PATJ: variants seen among roughly 807,000 people sequenced by gnomAD.
PATJ encodes the protein inaD-like protein.
In PATJ, 190 loss-of-function variants were observed where a neutral mutation model predicts 224.9. The observed-to-expected ratio is 0.84, with a 90% CI of 0.75 to 0.95. The LOEUF (loss-of-function observed/expected upper bound fraction) is 0.95, where lower values mean the gene tolerates loss of function less well. Ranked by LOEUF, PATJ falls within the 40% of genes least tolerant of loss-of-function variation. The probability of loss-of-function intolerance (pLI) is 0.00; values close to 1 mark genes in which losing one functional copy is unlikely to be tolerated. For missense variants in PATJ, 2,121 were observed against 2,270.3 expected, an observed-to-expected ratio of 0.93 and a Z score of 1.34; for synonymous variants, 769 against 820.3, an observed-to-expected ratio of 0.94 and a Z score of 1.07.
intron 27 of PATJ, among the ~76,000 whole-genome samples, chr1:61,980,465 GT>G (rs1156521694): frequency 0.022 from 3,360 of 149,982 alleles, 107 homozygotes; most frequent in African/African-American, 0.056. Flanking sequence ...GTGTGTGTGT[GT>G]GTGTGTGTGT....
At chr1:61,881,863 T>TACACC (rs1486382455) in intron 21 of PATJ, among the ~76,000 whole-genome samples, 4 of 152,222 alleles carry the variant, frequency 2.6e-5, no homozygotes, top group Non-Finnish European at 5.9e-5. Context: ...AAAGATACAC[T>TACACC]TGTTCCGTAG....
chr1:61,970,166 T>A lies in PATJ; in HGVS notation c.3671-20002T>A, dbSNP rs187527323. On this transcript the variant is annotated intron_variant, in intron 27 of 43. Transcript: ENST00000642238. ...CCAAAGTTATGAAGCTTGTCATCTATTTTTTCTTCTACAAATTTTATAGTT... is the reference window on the plus strand; with the variant it reads ...CCAAAGTTATGAAGCTTGTCATCTAATTTTTCTTCTACAAATTTTATAGTT... Among the ~76,000 whole-genome samples, 35 of 152,216 alleles carry A rather than the reference T, an allele frequency of 2.3e-4. 2 individuals carry two copies. In the East Asian group the frequency reaches 2.7e-3, roughly 12 times the overall value.
chr1:61,999,816 C>CA (rs1381362377), intron 28 of PATJ, among the ~76,000 whole-genome samples: 1 of 152,144 alleles, frequency 6.6e-6, no homozygotes, highest in African/African-American at 2.4e-5. Flanking sequence ...CACACATATA[C>CA]ATATACAGTT....
intron 41 of PATJ, among the ~76,000 whole-genome samples, chr1:62,131,515 G>GCGCATGC (rs1029206355): frequency 6.6e-6 from 1 of 152,132 alleles, no homozygotes; most frequent in Admixed American, 6.6e-5. Context: ...AGGTGTGGTA[G>GCGCATGC]CGCATGCCTG....
chr1:61,806,342 G>A (rs1384476663), intron 13 of PATJ, among the ~76,000 whole-genome samples: 4 of 152,226 alleles, frequency 2.6e-5, no homozygotes, highest in East Asian at 1.9e-4. Context: ...AGTCAAGGCC[G>A]GGCGCGGTGG....
chr1:62,162,338 G>A lies in PATJ; in HGVS notation c.*1284G>A, dbSNP rs551978817. On this transcript the variant is annotated 3_prime_UTR_variant, in exon 44 of 44. Transcript: ENST00000642238. ...GGCCTTGGCCTTATGCAAAGTGGGT[G>A]ACATATTTGATTATATTTCCCTTTA... 5 of 152,238 alleles carry A rather than the reference G, an allele frequency of 3.3e-5. No individual in the cohort carries two copies. In the South Asian group the frequency reaches 8.3e-4, roughly 25 times the overall value. 9.4% of individuals were successfully genotyped at this position (152,238 alleles called of 1,614,324 possible). A position where few individuals can be genotyped will look rare whatever the true frequency, so the allele number is the denominator to read the frequency against.
intron 33 of PATJ, among the ~76,000 whole-genome samples, chr1:62,091,561 G>T (rs1045273168): frequency 6.6e-6 from 1 of 152,130 alleles, no homozygotes; most frequent in Admixed American, 6.5e-5. Flanking sequence ...ATATTACCTG[G>T]ACAGTGAAAT....
At chr1:61,768,494 A>AATAAATAAATAG (rs1180226104) in intron 4 of PATJ, among the ~76,000 whole-genome samples, 1 of 152,006 alleles carries the variant, frequency 6.6e-6, no homozygotes, top group East Asian at 1.9e-4. Context: ...TAAATAAATA[A>AATAAATAAATAG]ATAGATATCA....
chr1:62,137,023 A>G (rs1278106365), intron 41 of PATJ, among the ~76,000 whole-genome samples: 1 of 152,132 alleles, frequency 6.6e-6, no homozygotes, highest in African/African-American at 2.4e-5. Flanking sequence ...AATTATTTTG[A>G]CTTCTCAATT....
At chr1:61,743,001 C>G (rs940405442) in intron 1 of PATJ, among the ~76,000 whole-genome samples, 1 of 152,128 alleles carries the variant, frequency 6.6e-6, no homozygotes, top group Admixed American at 6.5e-5. Flanking sequence ...TGTTTCGCTC[C>G]CAGAGCTGGG....
intron 30 of PATJ, among the ~76,000 whole-genome samples, chr1:62,045,216 C>T (rs991368827): frequency 2.7e-5 from 4 of 150,930 alleles, no homozygotes; most frequent in East Asian, 1.9e-4. Flanking sequence ...CGTGAAACTC[C>T]GTCTCAAATA....
At chr1:62,003,749 A>C (rs528401738) in intron 28 of PATJ, among the ~76,000 whole-genome samples, 2 of 152,306 alleles carry the variant, frequency 1.3e-5, no homozygotes, top group East Asian at 3.9e-4. Context: ...TCCCATCCCT[A>C]GCCTGGTACT....
rs149767198 is a variant in PATJ at position 61,769,934 on chromosome 1, A to G, written c.524+512A>G. 8.6e-4 allele frequency among the ~76,000 whole-genome samples: 131 copies of G among 152,190 alleles called. 1 individual carries two copies. Among genetic ancestry groups the G allele is most frequent in the African/African-American group, 3.0e-3 (125 of 41,530 alleles). Reference sequence around the variant, plus strand: ...GTCAGTTAAGAGGCCCCTCAAGTCTATGTTATCTCCCATGTTTGCATTTGC... The same window carrying G: ...GTCAGTTAAGAGGCCCCTCAAGTCTGTGTTATCTCCCATGTTTGCATTTGC... On this transcript the variant is annotated intron_variant, in intron 5 of 43. Coordinates refer to ENST00000642238, the MANE Select transcript of PATJ (RefSeq NM_001350145.3).
intron 17 of PATJ, among the ~76,000 whole-genome samples, chr1:61,835,210 A>C (rs1352982434): frequency 6.6e-6 from 1 of 152,194 alleles, no homozygotes; most frequent in East Asian, 1.9e-4. Context: ...AGAAATCTGA[A>C]CACAGTTAAG....
At chr1:61,868,664 C>T (rs2148977730) in intron 20 of PATJ, among the ~76,000 whole-genome samples, 1 of 152,156 alleles carries the variant, frequency 6.6e-6, no homozygotes, top group East Asian at 1.9e-4. Context: ...TGGTGCATGC[C>T]TGTGGTTCCA....
At chr1:62,077,489 G>C (rs1009900597) in intron 31 of PATJ, among the ~76,000 whole-genome samples, 1 of 152,006 alleles carries the variant, frequency 6.6e-6, no homozygotes, top group African/African-American at 2.4e-5. Flanking sequence ...AGGAGTTCGA[G>C]ACCAGCCTGG....
rs61777729 is a variant in PATJ at position 62,147,573 on chromosome 1, C to A, written c.5272-711C>A. On this transcript the variant is annotated intron_variant, in intron 41 of 43. Coordinates refer to ENST00000642238, the MANE Select transcript of PATJ (RefSeq NM_001350145.3). ...CAGCACTTTGGGAGGCCAAGGTGGGCGGATCACCTGAGGTCAGGAGTTCAA... is the reference window on the plus strand; with the variant it reads ...CAGCACTTTGGGAGGCCAAGGTGGGAGGATCACCTGAGGTCAGGAGTTCAA... Among the ~76,000 whole-genome samples, 119 of 152,006 alleles carry A rather than the reference C, an allele frequency of 7.8e-4. 4 individuals are homozygous for A. In the East Asian group the frequency reaches 0.018, roughly 23 times the overall value.
At chr1:61,983,738 A>G (rs1372362640) in intron 27 of PATJ, among the ~76,000 whole-genome samples, 1 of 152,052 alleles carries the variant, frequency 6.6e-6, no homozygotes, top group Non-Finnish European at 1.5e-5. Context: ...TTGGGTGGAC[A>G]AGGAGCTCAT....
intron 18 of PATJ, among the ~76,000 whole-genome samples, chr1:61,859,454 T>C (rs1422265610): frequency 6.6e-6 from 1 of 152,006 alleles, no homozygotes; most frequent in Non-Finnish European, 1.5e-5. Context: ...TCCTTTAACA[T>C]CTGGGGTCTT....
Sources: allele counts gnomAD v4.1 joint callset (sites outside exome capture counted in the v4.1 genomes callset), GRCh38; gene constraint gnomAD v4.1.1; transcripts MANE v1.5; gene names NCBI Gene and HGNC (gene_info 2026-07-23, HGNC 2026-07-21).